BCAR1: variants seen among roughly 807,000 people sequenced by gnomAD.
BCAR1 encodes the protein breast cancer anti-estrogen resistance protein 1.
A neutral mutation model predicts 67.6 loss-of-function variants in BCAR1; 30 were observed. The observed-to-expected ratio is 0.44, with a 90% CI of 0.33 to 0.60. The LOEUF (loss-of-function observed/expected upper bound fraction) is 0.60. BCAR1 is among the 20% of genes least tolerant of loss of function. The probability of loss-of-function intolerance (pLI) is 0.02; values close to 1 mark genes in which losing one functional copy is unlikely to be tolerated. For synonymous variants in BCAR1, 626 were observed against 556.7 expected, an observed-to-expected ratio of 1.12 and a Z score of -1.75; for missense variants, 1,313 against 1,222.3, an observed-to-expected ratio of 1.07 and a Z score of -1.11.
At chr16:75,237,452 GT>G (rs1404428567) in intron 2 of BCAR1, 108 bp from the exon 3 acceptor site, 1 of 1,307,448 alleles carries the variant, frequency 7.6e-7, no homozygotes, top group Non-Finnish European at 9.9e-7. Flanking sequence ...GGCACACCAG[GT>G]GGAAGGGACG....
At chr16:75,248,106 G>A in intron 1 of BCAR1, 13 of 1,598,002 alleles carry the variant, frequency 8.1e-6, no homozygotes, top group East Asian at 2.2e-5. Context: ...TGACAGCCCA[G>A]GGTCACTGAG....
chr16:75,259,907 G>C (rs1201418435), intron 1 of BCAR1, among the ~76,000 whole-genome samples: 1 of 145,682 alleles, frequency 6.9e-6, no homozygotes, highest in African/African-American at 2.6e-5. Flanking sequence ...AATAAAGCCA[G>C]ACCTGGCCTG....
chr16:75,259,575 G>A (rs576266270), intron 1 of BCAR1, among the ~76,000 whole-genome samples: 14 of 152,214 alleles, frequency 9.2e-5, no homozygotes, highest in South Asian at 2.1e-4. Context: ...TAAACTGGCC[G>A]GGCGCGGTGG....
chr16:75,231,068 A>C (rs1335715717), intron 6 of BCAR1, among the ~76,000 whole-genome samples: 1 of 151,216 alleles, frequency 6.6e-6, no homozygotes, highest in Non-Finnish European at 1.5e-5. Flanking sequence ...TTTTATAAAG[A>C]AGGAGTCTTG....
chr16:75,231,227 G>A (rs1252602119), intron 6 of BCAR1, among the ~76,000 whole-genome samples: 1 of 151,834 alleles, frequency 6.6e-6, no homozygotes, highest in East Asian at 1.9e-4. Context: ...TGGGATTACA[G>A]GCCTGCGCCA....
chr16:75,231,986 A>T (rs1018059184), intron 6 of BCAR1, among the ~76,000 whole-genome samples: 3 of 151,958 alleles, frequency 2.0e-5, no homozygotes, highest in Non-Finnish European at 4.4e-5. Flanking sequence ...GGTTCAAGCG[A>T]TTCTCCTGCC....
At position 75,233,942 on chromosome 16, in the gene BCAR1, G is replaced by A. The variant is rs777694529; in HGVS notation, c.2011-7C>T. ...TCTCAAACTCCTCCTTCCCCTGGAG[G>A]GCAGAGACAGGGGCTGCGCTGAGGC... On this transcript the variant is annotated splice_region_variant and splice_polypyrimidine_tract_variant and intron_variant, in intron 5 of 6. Coordinates refer to ENST00000162330, the MANE Select transcript of BCAR1 (RefSeq NM_014567.5). The A allele has an allele frequency of 1.3e-6, 2 of 1,598,036 alleles. No individual in the cohort carries two copies. Among genetic ancestry groups the A allele is most frequent in the South Asian group, 1.1e-5 (1 of 88,546 alleles).
chr16:75,267,400 G>GGT (rs1555549833), intron 1 of BCAR1, among the ~76,000 whole-genome samples: 1 of 149,336 alleles, frequency 6.7e-6, no homozygotes, highest in Non-Finnish European at 1.5e-5. Flanking sequence ...AAGCCGGGGG[G>GGT]GGGGTGGGGG....
upstream of BCAR1, chr16:75,256,285 C>T (rs983696617): frequency 7.4e-6 from 1 of 135,972 alleles, no homozygotes; most frequent in African/African-American, 2.9e-5. Flanking sequence ...AGGACTCAAG[C>T]TGGAGCTGTT....
intron 1 of BCAR1, among the ~76,000 whole-genome samples, chr16:75,259,218 C>G (rs1454601303): frequency 2.0e-5 from 3 of 152,196 alleles, no homozygotes; most frequent in Non-Finnish European, 4.4e-5. Context: ...TTTGGTAGAT[C>G]CAGGATTTGG....
chr16:75,254,386 C>A (rs555551471), upstream of BCAR1, among the ~76,000 whole-genome samples: 5 of 152,308 alleles, frequency 3.3e-5, no homozygotes, highest in Admixed American at 2.6e-4. Context: ...GCACCACCCC[C>A]ACCCCACTAA....
intron 6 of BCAR1, among the ~76,000 whole-genome samples, chr16:75,230,487 T>C (rs944522783): frequency 3.9e-5 from 6 of 152,174 alleles, no homozygotes; most frequent in Admixed American, 2.6e-4. Context: ...AAAAGTAACA[T>C]ACACATTATA....
In BCAR1 at chr16:75,264,364, G is replaced by T. The variant is rs2077961970; in HGVS notation, c.66+3551C>A. On this transcript the variant is annotated intron_variant, in intron 1 of 6. Coordinates refer to the BCAR1 transcript ENST00000393422. The stretch of plus-strand genomic sequence containing the variant: ...GCCCTGGGATACCGGCCCTCCAGCA[G>T]GCTCAGGTGGTCCGCCTTGTCCCTC... 7 of 1,529,088 alleles carry T rather than the reference G, an allele frequency of 4.6e-6. No homozygotes were observed. In the East Asian group the frequency reaches 1.7e-4, roughly 38 times the overall value. 94.7% of individuals were successfully genotyped at this position (1,529,088 alleles called of 1,614,324 possible). A position where few individuals can be genotyped will look rare whatever the true frequency, so the allele number is the denominator to read the frequency against.
chr16:75,267,943 C>T, exon 1 of BCAR1: 1 of 1,603,844 alleles, frequency 6.2e-7, no homozygotes, highest in Non-Finnish European at 8.5e-7. Context: ...GGGTGTGGGC[C>T]TGGGGGCAGC....
At position 75,237,199 on chromosome 16, in the gene BCAR1, C is replaced by T. The variant is rs761942847; in HGVS notation, c.779G>A (p.Ser260Asn). The T allele has an allele frequency of 1.3e-6, 2 of 1,572,656 alleles. No homozygotes were observed. Among genetic ancestry groups the T allele is most frequent in the East Asian group, 4.7e-5 (2 of 42,420 alleles). ...DVPPVRGLLP[S>N]QYGQEVYDTP... ...CACACCTACCTCCTGGCCATACTGG[C>T]TGGGAAGCAGCCCCCGAACCGGGGG... The change falls in exon 3 of 7, where the codon AGC (serine) becomes AAC (asparagine). Residue 260 changes from serine to asparagine, a missense_variant. Physicochemically the swap from Ser to Asn is conservative, Grantham distance 46. Around this residue, in one of 2 missense-constraint regions of BCAR1, gnomAD observed 1,272 missense variants for 1,137.5 expected, o/e 1.12. Transcript: ENST00000162330.
intron 6 of BCAR1, among the ~76,000 whole-genome samples, chr16:75,232,915 T>A (rs1392486460): frequency 3.9e-5 from 6 of 152,214 alleles, no homozygotes; most frequent in African/African-American, 1.4e-4. Context: ...GATATTTTTA[T>A]GTTCACTTCG....
At chr16:75,264,227 GC>G in intron 1 of BCAR1, 2 of 1,361,994 alleles carry the variant, frequency 1.5e-6, no homozygotes, top group Non-Finnish European at 1.9e-6. Context: ...CAGACTCCAT[GC>G]CCAGAGCTTG....
At chr16:75,250,811 C>A in intron 1 of BCAR1, 1 of 985,572 alleles carries the variant, frequency 1.0e-6, no homozygotes, top group Non-Finnish European at 1.2e-6. Flanking sequence ...GCGACACTCG[C>A]GTGCGGCTAG....
chr16:75,244,148 C>A (rs1199283340), intron 1 of BCAR1, among the ~76,000 whole-genome samples: 2 of 152,222 alleles, frequency 1.3e-5, no homozygotes, highest in Non-Finnish European at 2.9e-5. Flanking sequence ...AGCCACCCCA[C>A]CAGCCTGGCC....
Sources: gnomAD v4.1 joint callset for allele counts (sites outside exome capture counted in the v4.1 genomes callset) on GRCh38, gnomAD v4.1.1 for gene constraint, gnomAD v4.1.1 regional missense constraint, MANE v1.5 for transcripts, NCBI Gene and HGNC (gene_info 2026-07-23, HGNC 2026-07-21) for gene names.